Variants in GRK5 observed in about 807,000 individuals in gnomAD.
GRK5 encodes the protein G protein-coupled receptor kinase 5.
In GRK5, 40 loss-of-function variants were observed where a neutral mutation model predicts 78.4. The observed-to-expected ratio is 0.51, with a 90% CI of 0.40 to 0.66. GRK5 has a LOEUF of 0.66. GRK5 is among the 30% of genes least tolerant of loss of function. GRK5 has a pLI of 0.00. For synonymous variants in GRK5, 289 were observed against 296.8 expected (o/e 0.97, Z 0.27); for missense variants, 598 against 759.9 (o/e 0.79, Z 2.50).
chr10:119,339,525 C>G (rs1850947771), intron 2 of GRK5, among the ~76,000 whole-genome samples: 2 of 152,232 alleles, frequency 1.3e-5, no homozygotes, highest in South Asian at 4.1e-4. Flanking sequence ...ACCCGAAAGG[C>G]AGGAGTGGGG....
At chr10:119,210,134 GC>G (rs1303997229) in intron 1 of GRK5, among the ~76,000 whole-genome samples, 1 of 152,054 alleles carries the variant, frequency 6.6e-6, no homozygotes, top group Non-Finnish European at 1.5e-5. Flanking sequence ...TCAAGAATGT[GC>G]CTTTCACTTT....
intron 1 of GRK5, among the ~76,000 whole-genome samples, chr10:119,211,141 G>C (rs1331455245): frequency 6.6e-6 from 1 of 152,130 alleles, no homozygotes; most frequent in Non-Finnish European, 1.5e-5. Flanking sequence ...AATGTATTTT[G>C]GGGCCTGTTT....
intron 2 of GRK5, among the ~76,000 whole-genome samples, chr10:119,372,628 C>T (rs1473977748): frequency 6.6e-6 from 1 of 152,150 alleles, no homozygotes; most frequent in Non-Finnish European, 1.5e-5. Context: ...ATGGCTGGAT[C>T]CAGGTCTCAA....
At chr10:119,433,996 T>G (rs760380730) in intron 8 of GRK5, among the ~76,000 whole-genome samples, 8 of 152,236 alleles carry the variant, frequency 5.3e-5, no homozygotes, top group Admixed American at 1.3e-4. Context: ...TGAAAGGCAC[T>G]TCTTACATGG....
chr10:119,380,320 C>T (rs964652115), intron 2 of GRK5, among the ~76,000 whole-genome samples: 6 of 152,170 alleles, frequency 3.9e-5, no homozygotes, highest in Admixed American at 6.5e-5. Flanking sequence ...TCATCCTCAT[C>T]GCGGCTTTTC....
At chr10:119,365,521 A>G (rs1023853649) in intron 2 of GRK5, among the ~76,000 whole-genome samples, 2 of 152,212 alleles carry the variant, frequency 1.3e-5, no homozygotes, top group African/African-American at 4.8e-5. Context: ...AAGGGTCTGT[A>G]TGCCAGGCTT....
intron 6 of GRK5, among the ~76,000 whole-genome samples, chr10:119,425,909 G>A (rs532401694): frequency 3.9e-5 from 6 of 152,358 alleles, no homozygotes; most frequent in East Asian, 3.9e-4. Context: ...CAGTGCTGCC[G>A]ACGAGGCCCC....
At chr10:119,222,391 G>C (rs144034823) in intron 1 of GRK5, among the ~76,000 whole-genome samples, 84 of 152,206 alleles carry the variant, frequency 5.5e-4, no homozygotes, top group South Asian at 2.3e-3. Context: ...AGTGCTGCCT[G>C]TGCTGGTGTC....
intron 1 of GRK5, among the ~76,000 whole-genome samples, chr10:119,322,229 A>G (rs1293260779): frequency 6.6e-6 from 1 of 152,232 alleles, no homozygotes; most frequent in Non-Finnish European, 1.5e-5. Flanking sequence ...CTGGGATTAC[A>G]GGCATGAGCC....
At chr10:119,393,971 A>C (rs1291798693) in intron 3 of GRK5, among the ~76,000 whole-genome samples, 1 of 96,126 alleles carries the variant, frequency 1.0e-5, no homozygotes, top group East Asian at 3.0e-4. Context: ...GTCTGTGTGT[A>C]GGTGTGTGTG....
rs1853450677 is a variant in GRK5 at position 119,459,547 on chromosome 10, C to T, written c.*4480C>T. On this transcript the variant is annotated 3_prime_UTR_variant, in exon 16 of 16. Coordinates refer to ENST00000392870, the MANE Select transcript of GRK5 (RefSeq NM_005308.3). The stretch of plus-strand genomic sequence containing the variant: ...ATAAGAATCCTTCTAGCATCCAAAG[C>T]TTTCTAATTTTTTTCAGGGAGATTT... The T allele has an allele frequency of 6.6e-6, 1 of 152,122 alleles. No homozygotes were observed. The highest frequency in any genetic ancestry group is 1.5e-5 in the Non-Finnish European group (1 of 68,008). 9.4% of individuals were successfully genotyped at this position (152,122 alleles called of 1,614,324 possible).
At chr10:119,211,532 C>T (rs1374165993) in intron 1 of GRK5, 4 of 152,240 alleles carry the variant, frequency 2.6e-5, no homozygotes, top group African/African-American at 9.6e-5. Context: ...TTTTGCAAGG[C>T]CCCGCTTTTC....
Position 119,412,303 on chromosome 10 carries a change from T to C in GRK5, c.340-10863T>C, listed in dbSNP as rs2420619. 1 allele frequency among the ~76,000 whole-genome samples: 151,775 copies of C among 152,288 alleles called. 75,633 individuals are homozygous for C. The highest frequency in any genetic ancestry group is 1 in the Middle Eastern group (294 of 294). On this transcript the variant is annotated intron_variant, in intron 4 of 15. Transcript: ENST00000392870. The surrounding 1 kb of genome is among the most constrained non-coding windows in gnomAD (Gnocchi z 4.3). ...GCTGCCGGTCCGGTGTGTCTCTGCC[T>C]GGCAGGGCTGTGCCTGGCACGGTGC...
intron 1 of GRK5, among the ~76,000 whole-genome samples, chr10:119,245,849 C>T (rs1849098877): frequency 6.6e-6 from 1 of 151,550 alleles, no homozygotes; most frequent in South Asian, 2.1e-4. Flanking sequence ...AACCCCGTCT[C>T]TACTAAAAAA....
chr10:119,436,200 T>C (rs1852915414), intron 8 of GRK5, among the ~76,000 whole-genome samples: 1 of 152,228 alleles, frequency 6.6e-6, no homozygotes, highest in African/African-American at 2.4e-5. Context: ...TACCAGGCCA[T>C]GTTCCACTTC....
At chr10:119,401,664 T>G (rs2133859742) in intron 4 of GRK5, among the ~76,000 whole-genome samples, 1 of 152,310 alleles carries the variant, frequency 6.6e-6, no homozygotes, top group Middle Eastern at 3.4e-3. Flanking sequence ...TGGGGCATCT[T>G]AAGTGCCCAG....
At chr10:119,315,230 A>G (rs549769658) in intron 1 of GRK5, among the ~76,000 whole-genome samples, 44 of 152,290 alleles carry the variant, frequency 2.9e-4, no homozygotes, top group African/African-American at 1.0e-3. Flanking sequence ...AAAGTACCCT[A>G]CAGGCTGAGG....
chr10:119,410,797 C>G (rs190312837), intron 4 of GRK5, among the ~76,000 whole-genome samples: 20 of 151,746 alleles, frequency 1.3e-4, no homozygotes, highest in Non-Finnish European at 2.4e-4. Context: ...AGGGTCCTCC[C>G]TATTGCCTGG....
chr10:119,376,722 G>A (rs886635642), intron 2 of GRK5, among the ~76,000 whole-genome samples: 1 of 152,138 alleles, frequency 6.6e-6, no homozygotes, highest in East Asian at 1.9e-4. Flanking sequence ...CTGCCACCAC[G>A]CCTGGCTAAT....
Sources: gnomAD v4.1 joint callset for allele counts (sites outside exome capture counted in the v4.1 genomes callset) on GRCh38, gnomAD v4.1.1 for gene constraint, Gnocchi (gnomAD v3.1) non-coding constraint, MANE v1.5 for transcripts, NCBI Gene and HGNC (gene_info 2026-07-23, HGNC 2026-07-21) for gene names.